Variants in ADGB observed in about 807,000 individuals in gnomAD.
ADGB encodes the protein calpain-7-like protein.
Under a neutral mutation model 210.5 loss-of-function variants are expected in ADGB, and 172 were observed. The observed-to-expected ratio is 0.82, with a 90% CI of 0.72 to 0.93. The LOEUF (loss-of-function observed/expected upper bound fraction) is 0.93, where lower values mean the gene tolerates loss of function less well. Among genes scored for constraint, ADGB ranks in the 40% least tolerant of loss-of-function variants. The pLI is 0.00. For synonymous variants in ADGB, 658 were observed against 662.7 expected, an observed-to-expected ratio of 0.99 and a Z score of 0.11; for missense variants, 2,025 against 1,964.8, an observed-to-expected ratio of 1.03 and a Z score of -0.58.
chr6:146,664,491 G>A lies in ADGB; in HGVS notation c.752+151G>A, dbSNP rs147864561. 5.9e-4 allele frequency: 428 copies of A among 724,424 alleles called. 2 individuals are homozygous for A. The African/African-American group carries it at 6.8e-3, about 12-fold the overall frequency. The allele number at this position is 724,424 out of a possible 1,614,324, so 44.9% of individuals were successfully genotyped here. A position where few individuals can be genotyped will look rare whatever the true frequency, so the allele number is the denominator to read the frequency against. On this transcript the variant is annotated intron_variant, in intron 6 of 35. Coordinates refer to ENST00000397944, the MANE Select transcript of ADGB (RefSeq NM_024694.4). ...AATGCTCTAGTATAAAATCAAATAC[G>A]CCAAAACCACTGATTTTTTCTATTA... is the stretch of plus-strand genomic sequence containing the variant.
At chr6:146,625,195 T>C (rs1359271576) in intron 1 of ADGB, among the ~76,000 whole-genome samples, 1 of 152,128 alleles carries the variant, frequency 6.6e-6, no homozygotes, top group Admixed American at 6.6e-5. Flanking sequence ...TTTATAAATA[T>C]GCCTGTTGAT....
At chr6:146,691,030 C>G (rs1776297995) in intron 10 of ADGB, 86 bp from the exon 11 acceptor site, 2 of 1,131,848 alleles carry the variant, frequency 1.8e-6, no homozygotes, top group Non-Finnish European at 1.2e-6. Flanking sequence ...CACCATATTG[C>G]TCTGTTCGTG....
intron 1 of ADGB, among the ~76,000 whole-genome samples, chr6:146,610,102 G>A (rs1232253327): frequency 6.6e-6 from 1 of 152,132 alleles, no homozygotes; most frequent in African/African-American, 2.4e-5. Context: ...CAAACTCTGA[G>A]ATCATTTCTT....
intron 12 of ADGB, among the ~76,000 whole-genome samples, chr6:146,699,473 C>T (rs6911012): frequency 0.65 from 98,337 of 151,894 alleles, 32,436 homozygotes; most frequent in African/African-American, 0.77. Context: ...TCCTCTGTCA[C>T]TTTCTTCTGC....
In ADGB at chr6:146,784,842, C is replaced by G. The variant is rs1251044256; in HGVS notation, c.4212+48C>G. ...TCATCTTTTACTTTTCCTCCTTAGG[C>G]ATGCTCTGAAAAAAATAGTCATGCT... On this transcript the variant is annotated intron_variant, in intron 31 of 35. Coordinates refer to ENST00000397944, the MANE Select transcript of ADGB (RefSeq NM_024694.4). The G allele has an allele frequency of 2.0e-6, 3 of 1,494,394 alleles. No individual in the cohort carries two copies. The South Asian group carries it at 4.0e-5, about 20-fold the overall frequency. The allele number at this position is 1,494,394 out of a possible 1,614,324, so 92.6% of individuals were successfully genotyped here.
intron 8 of ADGB, among the ~76,000 whole-genome samples, chr6:146,673,586 T>C (rs541180458): frequency 1.4e-4 from 21 of 152,322 alleles, no homozygotes; most frequent in Admixed American, 1.2e-3. Flanking sequence ...AAAGCAATTC[T>C]CTACTTTGAT....
chr6:146,600,813 A>G (rs1325724145), intron 1 of ADGB, among the ~76,000 whole-genome samples: 2 of 151,880 alleles, frequency 1.3e-5, no homozygotes, highest in African/African-American at 4.8e-5. Flanking sequence ...AGATAGTTCC[A>G]AGATCATACA....
intron 16 of ADGB, among the ~76,000 whole-genome samples, chr6:146,718,228 TCTC>T (rs1043868693): frequency 5.3e-5 from 8 of 151,476 alleles, no homozygotes; most frequent in African/African-American, 1.9e-4. Flanking sequence ...GCGCCTGTAA[TCTC>T]AGCTACTCAG....
chr6:146,693,451 C>T (rs1035747408), intron 12 of ADGB, among the ~76,000 whole-genome samples: 2 of 152,178 alleles, frequency 1.3e-5, no homozygotes, highest in African/African-American at 4.8e-5. Context: ...GGCACCCATC[C>T]TGACTGGTCT....
At chr6:146,658,752 T>C (rs1775817407) in intron 5 of ADGB, among the ~76,000 whole-genome samples, 2 of 152,164 alleles carry the variant, frequency 1.3e-5, no homozygotes, top group African/African-American at 4.8e-5. Context: ...TTGAGCCCAC[T>C]TTGGAAATCT....
chr6:146,783,218 G>C (rs951164260), intron 30 of ADGB, among the ~76,000 whole-genome samples: 2 of 152,142 alleles, frequency 1.3e-5, no homozygotes, highest in African/African-American at 4.8e-5. Flanking sequence ...AAGGAACAAA[G>C]TATATCTCTC....
At chr6:146,808,111 T>C (rs1337180579) in intron 35 of ADGB, among the ~76,000 whole-genome samples, 1 of 147,200 alleles carries the variant, frequency 6.8e-6, no homozygotes, top group Non-Finnish European at 1.5e-5. Context: ...GTGATTCTCC[T>C]GCCTCAGCTT....
intron 3 of ADGB, among the ~76,000 whole-genome samples, chr6:146,652,446 T>C (rs1775715841): frequency 6.6e-6 from 1 of 152,156 alleles, no homozygotes; most frequent in African/African-American, 2.4e-5. Context: ...TTCAAGATGC[T>C]GCTTGTATAG....
At chr6:146,736,445 A>T in intron 22 of ADGB, 53 bp from the exon 23 acceptor site, 1 of 1,143,830 alleles carries the variant, frequency 8.7e-7, no homozygotes. Context: ...GGACAAGATG[A>T]TCTTTCAGGC....
chr6:146,672,269 G>A lies in ADGB; in HGVS notation c.889G>A (p.Glu297Lys). 6.5e-7 allele frequency: 1 copy of A among 1,549,058 alleles called. No homozygotes were observed. Among genetic ancestry groups the A allele is most frequent in the Non-Finnish European group, 8.7e-7 (1 of 1,145,906 alleles). Residue 297 changes from glutamate to lysine, a missense_variant, in exon 8 of 36, where the codon GAG becomes AAG. Coordinates refer to ENST00000397944, the MANE Select transcript of ADGB (RefSeq NM_024694.4). ...VWELLKEILP[E>K]FKLSDEASSE... ...GGAGCTCCTGAAAGAAATATTGCCT[G>A]AGTTTAAGCTGTCAGATGAGGCCAG...
intron 1 of ADGB, among the ~76,000 whole-genome samples, chr6:146,615,753 G>T (rs1294156564): frequency 6.6e-6 from 1 of 152,110 alleles, no homozygotes; most frequent in Non-Finnish European, 1.5e-5. Flanking sequence ...CCTTGTTGCT[G>T]CAGATTACAG....
intron 1 of ADGB, 63 bp from the exon 2 acceptor site, chr6:146,635,312 T>C: frequency 7.7e-7 from 1 of 1,303,712 alleles, no homozygotes; most frequent in Non-Finnish European, 1.0e-6. Flanking sequence ...ATGCAGTTAA[T>C]CCAATATTTG....
At position 146,721,474 on chromosome 6, in the gene ADGB, T is replaced by C; in HGVS notation, c.2064T>C (p.Phe688=). 1 of 1,550,708 alleles carries C rather than the reference T, an allele frequency of 6.4e-7. No homozygotes were observed. The highest frequency in any genetic ancestry group is 8.7e-7 in the Non-Finnish European group (1 of 1,146,074). The change falls in exon 17 of 36, where the codon TTT becomes TTC. Residue 688 remains phenylalanine, a synonymous_variant. Coordinates refer to ENST00000397944, the MANE Select transcript of ADGB (RefSeq NM_024694.4). The part of the protein sequence containing the change: ...SLKPIELLVC[F]SALVRWGEYG... ...AACCTATTGAACTACTGGTTTGCTT[T>C]TCTGCATTGGTACGCTGGGGGGAGT...
At chr6:146,691,540 C>T (rs1198514500) in intron 11 of ADGB, among the ~76,000 whole-genome samples, 1 of 92,642 alleles carries the variant, frequency 1.1e-5, no homozygotes, top group Admixed American at 1.4e-4. Flanking sequence ...CGGAGTCTCG[C>T]TCTGTGGCCT....
Sources: gnomAD v4.1 joint callset for allele counts (sites outside exome capture counted in the v4.1 genomes callset) on GRCh38, gnomAD v4.1.1 for gene constraint, MANE v1.5 for transcripts, NCBI Gene and HGNC (gene_info 2026-07-23, HGNC 2026-07-21) for gene names.